The following RNF128 variants were observed in gnomAD, a reference collection of about 807,000 sequenced individuals.
RNF128 encodes the protein ring finger protein 128.
RNF128 carries 13 observed loss-of-function variants against 26.2 expected under a neutral mutation model. The observed-to-expected ratio is 0.50, with a 90% CI of 0.32 to 0.79. RNF128 has a LOEUF of 0.79. Among genes scored for constraint, RNF128 ranks in the 30% least tolerant of loss-of-function variants. The pLI is 0.03. For synonymous variants in RNF128, 149 were observed against 142.5 expected, an observed-to-expected ratio of 1.05 and a Z score of -0.32; for missense variants, 315 against 349.7, an observed-to-expected ratio of 0.90 and a Z score of 0.79.
chrX:106,781,560 A>G (rs1930565932), intron 2 of RNF128, among the ~76,000 whole-genome samples: 1 of 111,259 alleles, frequency 9.0e-6, no homozygotes, highest in Non-Finnish European at 1.9e-5. Flanking sequence ...CTTGAGTACT[A>G]TCTTGAATAT....
At chrX:106,733,828 G>A (rs1386734590) in intron 1 of RNF128, among the ~76,000 whole-genome samples, 2 of 110,314 alleles carry the variant, frequency 1.8e-5, no homozygotes, top group African/African-American at 6.6e-5. Flanking sequence ...AGCCTCTCGA[G>A]TAGCTGGGAT....
intron 1 of RNF128, among the ~76,000 whole-genome samples, chrX:106,756,496 C>T (rs1930012675): frequency 9.1e-6 from 1 of 110,235 alleles, no homozygotes; most frequent in South Asian, 3.8e-4. Flanking sequence ...AAAGGATTCC[C>T]TATTTAATAA....
intron 1 of RNF128, among the ~76,000 whole-genome samples, chrX:106,749,549 C>T (rs1929845239): frequency 8.9e-6 from 1 of 111,759 alleles, no homozygotes; most frequent in African/African-American, 3.2e-5. Flanking sequence ...TTGTGGTTTT[C>T]AACAGAGTAA....
intron 1 of RNF128, among the ~76,000 whole-genome samples, chrX:106,705,742 A>G (rs770731808): frequency 8.9e-6 from 1 of 112,094 alleles, no homozygotes; most frequent in African/African-American, 3.2e-5. Context: ...GTATAGCAAG[A>G]TTAGCTGCAG....
At chrX:106,695,390 G>A (rs977964232) in intron 1 of RNF128, among the ~76,000 whole-genome samples, 1 of 111,881 alleles carries the variant, frequency 8.9e-6, no homozygotes, top group African/African-American at 3.2e-5. Context: ...TCAAACTTAT[G>A]TTAAGAATAG....
At chrX:106,785,905 G>C (rs771278640) in intron 3 of RNF128, among the ~76,000 whole-genome samples, 45 of 111,828 alleles carry the variant, frequency 4.0e-4, no homozygotes, top group Non-Finnish European at 8.5e-4. Flanking sequence ...AAACACTAAT[G>C]AAAGAGATAA....
At chrX:106,696,433 C>T (rs1020928044) in intron 1 of RNF128, among the ~76,000 whole-genome samples, 2 of 111,133 alleles carry the variant, frequency 1.8e-5, no homozygotes, top group African/African-American at 6.5e-5. Flanking sequence ...GATATGAAAA[C>T]TAGATGACCA....
chrX:106,718,778 T>C (rs916865419), intron 1 of RNF128, among the ~76,000 whole-genome samples: 16 of 112,170 alleles, frequency 1.4e-4, no homozygotes, highest in African/African-American at 5.2e-4. Flanking sequence ...GCTACCAACA[T>C]AACCGTAACA....
At chrX:106,764,335 AC>A (rs1386868037) in intron 1 of RNF128, among the ~76,000 whole-genome samples, 1 of 110,160 alleles carries the variant, frequency 9.1e-6, no homozygotes, top group Non-Finnish European at 1.9e-5. Flanking sequence ...CCTGCCACCT[AC>A]CCCATATGTT....
In RNF128 at chrX:106,785,012, A is replaced by G. The variant is rs1439236482; in HGVS notation, c.733-53A>G. ...ATTGATCCTCTCTATCTTTTTCATC[A>G]TACTTCTTTTAAAAAATAGTTTTTC... On this transcript the variant is annotated intron_variant, in intron 2 of 6. Coordinates refer to ENST00000255499, the MANE Select transcript of RNF128 (RefSeq NM_194463.2). 8 of 877,163 alleles carry G rather than the reference A, an allele frequency of 9.1e-6. No homozygotes were observed. In the African/African-American group the frequency reaches 1.4e-4, roughly 16 times the overall value. 72.3% of individuals were successfully genotyped at this position (877,163 alleles called of 1,213,427 possible). A position where few individuals can be genotyped will look rare whatever the true frequency, so the allele number is the denominator to read the frequency against.
intron 2 of RNF128, among the ~76,000 whole-genome samples, chrX:106,781,746 G>A (rs1930568443): frequency 8.9e-6 from 1 of 111,796 alleles, no homozygotes; most frequent in Non-Finnish European, 1.9e-5. Flanking sequence ...TTATTCTAAG[G>A]CTGCTTTGTT....
intron 2 of RNF128, among the ~76,000 whole-genome samples, chrX:106,777,977 A>G (rs1347509092): frequency 9.0e-6 from 1 of 111,648 alleles, no homozygotes; most frequent in Non-Finnish European, 1.9e-5. Context: ...TTAAATATAT[A>G]TTCTTTTCTT....
At chrX:106,784,002 A>G (rs1930608681) in intron 2 of RNF128, among the ~76,000 whole-genome samples, 1 of 111,264 alleles carries the variant, frequency 9.0e-6, no homozygotes, top group African/African-American at 3.3e-5. Context: ...TCACACTTCA[A>G]TGAGATTTGG....
chrX:106,780,675 A>T (rs897622173), intron 2 of RNF128, among the ~76,000 whole-genome samples: 4 of 112,156 alleles, frequency 3.6e-5, no homozygotes, highest in Non-Finnish European at 7.5e-5. Context: ...AGGGGTTTTT[A>T]AATTTCCTTC....
chrX:106,767,071 C>T (rs1427747028), intron 1 of RNF128, among the ~76,000 whole-genome samples: 3 of 111,451 alleles, frequency 2.7e-5, no homozygotes, highest in Non-Finnish European at 5.6e-5. Flanking sequence ...TTCCATTGAT[C>T]TATATCTCTG....
intron 1 of RNF128, among the ~76,000 whole-genome samples, chrX:106,743,184 T>C (rs1929732184): frequency 1.8e-5 from 2 of 112,112 alleles, no homozygotes; most frequent in Admixed American, 1.9e-4. Flanking sequence ...AGCCTGTCAT[T>C]TCAGGAAAAC....
intron 1 of RNF128, among the ~76,000 whole-genome samples, chrX:106,696,037 T>A (rs1205547941): frequency 9.0e-6 from 1 of 111,204 alleles, no homozygotes; most frequent in Non-Finnish European, 1.9e-5. Context: ...CTGAACAGAG[T>A]TTTAAAAAGG....
chrX:106,764,112 G>A (rs944970423), intron 1 of RNF128, among the ~76,000 whole-genome samples: 4 of 109,154 alleles, frequency 3.7e-5, no homozygotes, highest in African/African-American at 6.7e-5. Context: ...ACAGGTGCCC[G>A]CCACCACGCC....
chrX:106,727,231 G>T lies in RNF128; in HGVS notation c.318G>T (p.Thr106=). Residue 106 remains threonine, a synonymous_variant, in exon 1 of 7, where the codon ACG becomes ACT. Transcript: ENST00000255499. ...CNPHTNFTVP[T]VWGSTVQVSW... The stretch of plus-strand genomic sequence containing the variant: ...CGCACACGAATTTCACGGTGCCCAC[G>T]GTTTGGGGAAGCACCGTGCAAGTCT... 8.3e-7 allele frequency: 1 copy of T among 1,211,713 alleles called. No homozygotes were observed. The highest frequency in any genetic ancestry group is 3.0e-5 in the East Asian group (1 of 33,814).
Sources: gnomAD v4.1 joint callset for allele counts (sites outside exome capture counted in the v4.1 genomes callset) on GRCh38, gnomAD v4.1.1 for gene constraint, MANE v1.5 for transcripts, NCBI Gene and HGNC (gene_info 2026-07-23, HGNC 2026-07-21) for gene names.